Variants in HENMT1 observed in about 807,000 individuals in gnomAD.
The protein encoded by HENMT1 is HEN methyltransferase 1.
A neutral mutation model predicts 31.1 loss-of-function variants in HENMT1; 27 were observed. The observed-to-expected ratio is 0.87, with a 90% confidence interval of 0.64 to 1.20. HENMT1 has a LOEUF of 1.20. Among genes scored for constraint, HENMT1 ranks in the 50% most tolerant of loss-of-function variants. The pLI is 0.00. For synonymous variants in HENMT1, 167 were observed against 172.2 expected, an observed-to-expected ratio of 0.97 and a Z score of 0.24; for missense variants, 438 against 469.6, an observed-to-expected ratio of 0.93 and a Z score of 0.62.
intron 2 of HENMT1, 106 bp downstream of exon 2, chr1:108,659,758 A>C: frequency 1.5e-6 from 1 of 688,862 alleles, no homozygotes; most frequent in Non-Finnish European, 2.5e-6. Flanking sequence ...ACACCCCGGG[A>C]AATGCTAGGA....
chr1:108,648,888 A>G lies in HENMT1; in HGVS notation c.860T>C (p.Leu287Pro). The G allele has an allele frequency of 6.2e-7, 1 of 1,614,108 alleles. No homozygotes were observed. The highest frequency in any genetic ancestry group is 2.2e-5 in the East Asian group (1 of 44,908). The change falls in exon 8 of 8, where the codon CTG becomes CCG. Residue 287 changes from leucine to proline, a missense_variant. Leu to Pro is a moderately conservative substitution (Grantham distance 98). Transcript: ENST00000651461. The part of the protein sequence containing the change: ...QQVESLRVSH[L>P]PRRKEQAGER... ...CCCAGCCTGTTCTTTCCGCCTTGGC[A>G]GGTGGCTCACTCTTAAGCTTTCCAC...
At chr1:108,657,915 C>T (rs1182986610) in intron 2 of HENMT1, among the ~76,000 whole-genome samples, 2 of 151,692 alleles carry the variant, frequency 1.3e-5, no homozygotes, top group Non-Finnish European at 2.9e-5. Context: ...GTCGCCAAAG[C>T]CTGTGGTCCA....
chr1:108,654,242 T>C (rs1658144973), intron 5 of HENMT1, among the ~76,000 whole-genome samples: 1 of 152,220 alleles, frequency 6.6e-6, no homozygotes, highest in Admixed American at 6.5e-5. Context: ...CATTGGTCTA[T>C]GTCTCTGTTT....
chr1:108,648,613 C>G lies in HENMT1; in HGVS notation c.1135G>C (p.Val379Leu). Reference protein sequence around the residue: ...SIPLSSDGSAVVADLRNYFDE... With the variant: ...SIPLSSDGSALVADLRNYFDE... Reference sequence around the variant, plus strand: ...AAATAATTACGCAGGTCAGCCACCACTGCAGAACCATCACTGCTCAGAGGA... The same window carrying G: ...AAATAATTACGCAGGTCAGCCACCAGTGCAGAACCATCACTGCTCAGAGGA... The change falls in exon 8 of 8, where the codon GTG (valine) becomes CTG (leucine). Residue 379 changes from valine to leucine, a missense_variant. Coordinates refer to ENST00000651461, the MANE Select transcript of HENMT1 (RefSeq NM_001102592.2). 6.2e-7 allele frequency: 1 copy of G among 1,614,240 alleles called. No homozygotes were observed. Among genetic ancestry groups the G allele is most frequent in the East Asian group, 2.2e-5 (1 of 44,896 alleles).
chr1:108,648,345 C>A lies in HENMT1; in HGVS notation c.*221G>T. Reference sequence around the variant, plus strand: ...TTTATTCTTGAGAAAACAAAAAAGTCCAAAATCAAAGGAAAGCACCCGTTT... The same window carrying A: ...TTTATTCTTGAGAAAACAAAAAAGTACAAAATCAAAGGAAAGCACCCGTTT... On this transcript the variant is annotated 3_prime_UTR_variant, in exon 8 of 8. Transcript: ENST00000651461. The A allele has an allele frequency of 1.9e-6, 1 of 529,532 alleles. No individual in the cohort carries two copies. The highest frequency in any genetic ancestry group is 1.9e-5 in the African/African-American group (1 of 52,072). 32.8% of individuals were successfully genotyped at this position (529,532 alleles called of 1,614,324 possible). A position where few individuals can be genotyped will look rare whatever the true frequency, so the allele number is the denominator to read the frequency against.
intron 2 of HENMT1, among the ~76,000 whole-genome samples, chr1:108,658,460 T>C (rs1658334671): frequency 6.6e-6 from 1 of 152,164 alleles, no homozygotes; most frequent in African/African-American, 2.4e-5. Context: ...AGAGAGAGGA[T>C]CTCACTATGT....
chr1:108,658,977 T>G (rs1011535064), intron 2 of HENMT1, among the ~76,000 whole-genome samples: 2 of 152,210 alleles, frequency 1.3e-5, no homozygotes, highest in Middle Eastern at 3.2e-3. Context: ...AGCCCAAGAA[T>G]TGGAATTATA....
rs4970799 is a variant in HENMT1, at chr1:108,656,012, C to T, written c.151-314G>A. On this transcript the variant is annotated intron_variant, in intron 3 of 7. Transcript: ENST00000651461. ...ATATTGAACTAATGAGAAACAATTACGTACACACAGTTTTCCCATTCAGAA... is the reference window on the plus strand; with the variant it reads ...ATATTGAACTAATGAGAAACAATTATGTACACACAGTTTTCCCATTCAGAA... Among the ~76,000 whole-genome samples the T allele has an allele frequency of 7.0e-3, 1,066 of 152,196 alleles. 49 individuals carry two copies. Among genetic ancestry groups the T allele is most frequent in the Admixed American group, 0.062 (941 of 15,276 alleles).
intron 7 of HENMT1, among the ~76,000 whole-genome samples, chr1:108,649,624 T>C (rs1253091498): frequency 2.0e-5 from 3 of 151,974 alleles, no homozygotes; most frequent in Non-Finnish European, 2.9e-5. Context: ...CCTAATTAAA[T>C]AAAATTTTTA....
chr1:108,652,727 G>A (rs1003264317), intron 5 of HENMT1, among the ~76,000 whole-genome samples: 2 of 152,040 alleles, frequency 1.3e-5, no homozygotes, highest in South Asian at 2.1e-4. Context: ...GGCAGATTAC[G>A]AGGTCAGGGG....
In HENMT1 at chr1:108,657,447, C is replaced by G. The variant is rs1406996721; in HGVS notation, c.150+4G>C. 2 of 1,594,954 alleles carry G rather than the reference C, an allele frequency of 1.3e-6. No homozygotes were observed. Among genetic ancestry groups the G allele is most frequent in the South Asian group, 2.2e-5 (2 of 90,070 alleles). ...ATTAAATGTTTGGAAAGAGAAATAC[C>G]TACCTTCTTAGGCTCATGTTGATCC... On this transcript the variant is annotated splice_donor_region_variant and intron_variant, in intron 3 of 7. Coordinates refer to ENST00000651461, the MANE Select transcript of HENMT1 (RefSeq NM_001102592.2).
chr1:108,652,848 G>A (rs1238802912), intron 5 of HENMT1, among the ~76,000 whole-genome samples: 1 of 151,766 alleles, frequency 6.6e-6, no homozygotes, highest in Non-Finnish European at 1.5e-5. Context: ...GGAGGCTGAG[G>A]CAAAAGAATC....
intron 2 of HENMT1, among the ~76,000 whole-genome samples, chr1:108,658,217 C>T (rs772309112): frequency 2.6e-5 from 4 of 151,866 alleles, no homozygotes; most frequent in Non-Finnish European, 5.9e-5. Flanking sequence ...CTGCAACCTC[C>T]GCCTCCCTCA....
intron 5 of HENMT1, among the ~76,000 whole-genome samples, chr1:108,652,640 A>G (rs12134938): frequency 6.6e-6 from 1 of 152,138 alleles, no homozygotes; most frequent in African/African-American, 2.4e-5. Context: ...GCTTCTATGC[A>G]ATTCACAAGA....
Position 108,650,221 on chromosome 1 carries a change from A to G in HENMT1, c.746T>C (p.Val249Ala). 1 of 1,613,916 alleles carries G rather than the reference A, an allele frequency of 6.2e-7. No individual in the cohort carries two copies. Among genetic ancestry groups the G allele is most frequent in the African/African-American group, 1.3e-5 (1 of 75,024 alleles). The change falls in exon 7 of 8, where the codon GTT becomes GCT. Residue 249 changes from valine (V) to alanine (A), a missense_variant. By Grantham distance (64) the Val-to-Ala change is moderately conservative. Transcript: ENST00000651461. ...ACAAAGAATACTCACAGCTTTATAA[A>G]CATGCTGATCATGCTGCTCTGAAAG... is the stretch of plus-strand genomic sequence containing the variant. ...SCLSEQHDQH[V>A]YKAVFTTSYP...
intron 3 of HENMT1, 61 bp downstream of exon 3, chr1:108,657,390 C>T: frequency 8.1e-7 from 1 of 1,231,266 alleles, no homozygotes; most frequent in Non-Finnish European, 1.2e-6. Flanking sequence ...TTTGACAAAA[C>T]ACCTCATATG....
At chr1:108,655,020 C>T (rs112947459) in intron 4 of HENMT1, among the ~76,000 whole-genome samples, 170 bp from the exon 5 acceptor site, 5,737 of 152,206 alleles carry the variant, frequency 0.038, 139 homozygotes, top group Middle Eastern at 0.092. Flanking sequence ...GGGGAAACTT[C>T]CTCTCACAGT....
intron 3 of HENMT1, 60 bp downstream of exon 3, chr1:108,657,391 A>G: frequency 8.1e-7 from 1 of 1,238,824 alleles, no homozygotes. Flanking sequence ...TTGACAAAAC[A>G]CCTCATATGA....
chr1:108,652,520 C>T (rs1658086226), intron 5 of HENMT1, among the ~76,000 whole-genome samples: 1 of 152,128 alleles, frequency 6.6e-6, no homozygotes, highest in Non-Finnish European at 1.5e-5. Context: ...AATTATATAA[C>T]AATTAAATGT....
Sources: gnomAD v4.1 joint callset for allele counts (sites outside exome capture counted in the v4.1 genomes callset) on GRCh38, gnomAD v4.1.1 for gene constraint, MANE v1.5 for transcripts, NCBI Gene and HGNC (gene_info 2026-07-23, HGNC 2026-07-21) for gene names.